RORA: variants seen among roughly 807,000 people sequenced by gnomAD.
The protein encoded by RORA is nuclear receptor ROR-alpha.
In RORA, 7 loss-of-function variants were observed where a neutral mutation model predicts 69.5. The observed-to-expected ratio is 0.10, with a 90% confidence interval of 0.06 to 0.19. The LOEUF is 0.19. Among genes scored for constraint, RORA ranks in the 10% least tolerant of loss-of-function variants. The probability of loss-of-function intolerance (pLI) is 1.00; values close to 1 mark genes in which losing one functional copy is unlikely to be tolerated. For missense variants in RORA, 457 were observed against 663.0 expected (o/e 0.69, Z 3.41); for synonymous variants, 261 against 240.8 (o/e 1.08, Z -0.78).
intron 6 of RORA, among the ~76,000 whole-genome samples, chr15:60,503,991 CAG>C (rs777651998): frequency 3.9e-4 from 60 of 151,990 alleles, no homozygotes; most frequent in African/African-American, 3.4e-4. Context: ...TTAATAGAGA[CAG>C]AGTTTCACCA....
chr15:60,806,409 G>T (rs2072660443), intron 1 of RORA, among the ~76,000 whole-genome samples: 1 of 152,134 alleles, frequency 6.6e-6, no homozygotes, highest in South Asian at 2.1e-4. Flanking sequence ...GACCAGAATG[G>T]AATAGTTAAA....
At chr15:60,528,882 G>T (rs539250891) in intron 3 of RORA, 3 of 152,356 alleles carry the variant, frequency 2.0e-5, no homozygotes, top group Admixed American at 2.0e-4. Context: ...GTAAATAGCA[G>T]AGCTGGGATT....
At chr15:60,755,151 C>T (rs2071780749) in intron 1 of RORA, among the ~76,000 whole-genome samples, 1 of 113,594 alleles carries the variant, frequency 8.8e-6, no homozygotes, top group Admixed American at 1.2e-4. Context: ...CACCCCACAA[C>T]AGGCCCCGGT....
At chr15:60,580,764 T>C (rs1202090059) in intron 2 of RORA, among the ~76,000 whole-genome samples, 1 of 152,226 alleles carries the variant, frequency 6.6e-6, no homozygotes, top group Admixed American at 6.5e-5. Context: ...TTCCTTTGTC[T>C]TGTGCTCCCT....
At chr15:60,631,586 C>T (rs1447021514) in intron 2 of RORA, among the ~76,000 whole-genome samples, 2 of 151,858 alleles carry the variant, frequency 1.3e-5, no homozygotes, top group Admixed American at 1.3e-4. Flanking sequence ...TTTTGTTTTG[C>T]AGTAAGGTGG....
chr15:60,990,925 T>A (rs1453409041), intron 1 of RORA, among the ~76,000 whole-genome samples: 1 of 152,210 alleles, frequency 6.6e-6, no homozygotes, highest in East Asian at 1.9e-4. Flanking sequence ...TACTGACAAC[T>A]AAGTAAAATG....
At chr15:60,625,156 G>A (rs2069541195) in intron 2 of RORA, among the ~76,000 whole-genome samples, 1 of 152,196 alleles carries the variant, frequency 6.6e-6, no homozygotes. Flanking sequence ...GATTGTGGGT[G>A]TGCATGTACT....
chr15:60,556,971 G>A (rs201877041), intron 2 of RORA: 1 of 1,510,408 alleles, frequency 6.6e-7, no homozygotes, highest in Admixed American at 1.7e-5. Flanking sequence ...ACAAAGAAAA[G>A]ATTTATCAGA....
At chr15:61,122,760 T>G (rs17303474) in intron 1 of RORA, among the ~76,000 whole-genome samples, 1 of 152,090 alleles carries the variant, frequency 6.6e-6, no homozygotes, top group East Asian at 1.9e-4. Context: ...GTGGCTAGCA[T>G]GCTAACGTCC....
chr15:60,621,491 C>T (rs1490027622), intron 2 of RORA, among the ~76,000 whole-genome samples: 1 of 152,130 alleles, frequency 6.6e-6, no homozygotes, highest in Non-Finnish European at 1.5e-5. Flanking sequence ...CACAGGCTTG[C>T]AGGGGTGCCT....
chr15:61,002,107 A>C (rs974865709), intron 1 of RORA, among the ~76,000 whole-genome samples: 3 of 152,218 alleles, frequency 2.0e-5, no homozygotes, highest in African/African-American at 7.2e-5. Context: ...AATAGAATGA[A>C]TGGGAGGGAA....
Position 60,511,726 on chromosome 15 carries a change from A to C in RORA, c.425-105T>G. 8.2e-7 allele frequency: 1 copy of C among 1,224,872 alleles called. No homozygotes were observed. Among genetic ancestry groups the C allele is most frequent in the Non-Finnish European group, 1.1e-6 (1 of 897,502 alleles). The allele number at this position is 1,224,872 out of a possible 1,614,324, so 75.9% of individuals were successfully genotyped here. The stretch of plus-strand genomic sequence containing the variant: ...TTGAAGTCTCACACAATCTCAATCC[A>C]AAACTGCATGACCACAAAATAAGGA... On this transcript the variant is annotated intron_variant, in intron 4 of 10. Transcript: ENST00000335670. This position sits in a 1 kb window ranked among gnomAD's most constrained non-coding sequence, Gnocchi z 6.4.
chr15:60,925,335 G>A (rs28419228), intron 1 of RORA, among the ~76,000 whole-genome samples: 16 of 152,202 alleles, frequency 1.1e-4, no homozygotes, highest in African/African-American at 3.1e-4. Context: ...GATTGGCTTC[G>A]AAGAGAATAT....
chr15:60,592,665 GCGCCCCAGCGCCGCGCCCCGCCC>G lies in RORA; in HGVS notation c.197-60837_197-60815del, dbSNP rs2068566804. 2.8e-6 allele frequency: 3 copies of G among 1,086,768 alleles called. No homozygotes were observed. In the African/African-American group the frequency reaches 5.1e-5, roughly 18 times the overall value. The allele number at this position is 1,086,768 out of a possible 1,614,324, so 67.3% of individuals were successfully genotyped here. On this transcript the variant is annotated intron_variant, in intron 2 of 10. Coordinates refer to ENST00000335670, the MANE Select transcript of RORA (RefSeq NM_134261.3). ...GGGAGGCGGGAGGCGGGAGGCAGGCGCGCCCCAGCGCCGCGCCCCGCCCCGCCCCCGCGGGCAGGTGAGTAGCA... is the reference window on the plus strand; with the variant it reads ...GGGAGGCGGGAGGCGGGAGGCAGGCGCGCCCCCGCGGGCAGGTGAGTAGCA...
rs563611605 is a variant in RORA at position 61,109,191 on chromosome 15, T to C, written c.166+119862A>G. On this transcript the variant is annotated intron_variant, in intron 1 of 10. Coordinates refer to ENST00000335670, the MANE Select transcript of RORA (RefSeq NM_134261.3). ...AGCCTGGTGACAGAGCAAGACTTCC[T>C]CTCAAAAAAATAAATAATATTAACC... 3.9e-5 allele frequency among the ~76,000 whole-genome samples: 6 copies of C among 152,206 alleles called. No individual in the cohort carries two copies. The East Asian group carries it at 5.8e-4, about 15-fold the overall frequency.
chr15:60,510,255 G>A (rs1286622850), intron 5 of RORA, among the ~76,000 whole-genome samples: 1 of 152,172 alleles, frequency 6.6e-6, no homozygotes, highest in African/African-American at 2.4e-5. Context: ...CCACCAGGAG[G>A]AGCAGATCAA....
chr15:60,681,545 T>C (rs2070642559), intron 1 of RORA: 1 of 152,196 alleles, frequency 6.6e-6, no homozygotes, highest in Non-Finnish European at 1.5e-5. Flanking sequence ...ATCTAGAATG[T>C]TCCGGAATAT....
In RORA at chr15:61,222,090, GAC is replaced by G. The variant is rs1172406437; in HGVS notation, c.166+6961_166+6962del. Among the ~76,000 whole-genome samples the G allele has an allele frequency of 5.3e-5, 8 of 152,140 alleles. No individual in the cohort carries two copies. In the South Asian group the frequency reaches 8.3e-4, roughly 16 times the overall value. On this transcript the variant is annotated intron_variant, in intron 1 of 10. Transcript: ENST00000335670. ...TATTTCCTACTCATTTCCATCCTCT[GAC>G]ACAGAGTTTCAGAGAAAACATCTAT...
intron 2 of RORA, among the ~76,000 whole-genome samples, chr15:60,617,377 A>G (rs1271100953): frequency 6.6e-6 from 1 of 152,172 alleles, no homozygotes; most frequent in East Asian, 1.9e-4. Flanking sequence ...TTTTTACCAC[A>G]GAAACACAGG....
Sources: gnomAD v4.1 joint callset for allele counts (sites outside exome capture counted in the v4.1 genomes callset) on GRCh38, gnomAD v4.1.1 for gene constraint, Gnocchi (gnomAD v3.1) non-coding constraint, MANE v1.5 for transcripts, NCBI Gene and HGNC (gene_info 2026-07-23, HGNC 2026-07-21) for gene names.